The following RABGAP1L variants were observed in gnomAD, a reference collection of about 807,000 sequenced individuals.
RABGAP1L encodes RAB GTPase activating protein 1 like.
Under a neutral mutation model 137.7 loss-of-function variants are expected in RABGAP1L, and 63 were observed. The observed-to-expected ratio is 0.46, with a 90% CI of 0.37 to 0.56. The LOEUF (loss-of-function observed/expected upper bound fraction) is 0.56. RABGAP1L is among the 20% of genes least tolerant of loss of function. The pLI is 0.00. For synonymous variants in RABGAP1L, 431 were observed against 433.7 expected, an observed-to-expected ratio of 0.99 and a Z score of 0.08; for missense variants, 1,095 against 1,244.0, an observed-to-expected ratio of 0.88 and a Z score of 1.80.
At chr1:174,723,146 C>T (rs1208250209) in intron 17 of RABGAP1L, among the ~76,000 whole-genome samples, 1 of 152,120 alleles carries the variant, frequency 6.6e-6, no homozygotes, top group Non-Finnish European at 1.5e-5. Flanking sequence ...GCAATCTCAG[C>T]CCACTGCAAT....
chr1:174,725,250 C>A (rs1212798141), intron 17 of RABGAP1L, among the ~76,000 whole-genome samples: 1 of 152,156 alleles, frequency 6.6e-6, no homozygotes, highest in Non-Finnish European at 1.5e-5. Context: ...CAGCAATGAA[C>A]TTGCAATTGA....
chr1:174,737,477 T>C (rs1683052262), intron 17 of RABGAP1L, among the ~76,000 whole-genome samples: 1 of 152,200 alleles, frequency 6.6e-6, no homozygotes, highest in Non-Finnish European at 1.5e-5. Flanking sequence ...ATCAGCATTG[T>C]GGCCACAATC....
At chr1:174,654,429 A>G (rs1396101367) in intron 14 of RABGAP1L, among the ~76,000 whole-genome samples, 1 of 152,188 alleles carries the variant, frequency 6.6e-6, no homozygotes, top group East Asian at 1.9e-4. Flanking sequence ...TCTTCTGTGA[A>G]GTACTTTTAT....
In RABGAP1L at chr1:174,851,637, C is replaced by T. The variant is rs1170687229; in HGVS notation, c.2340+39677C>T. Among the ~76,000 whole-genome samples the T allele has an allele frequency of 2.6e-5, 4 of 151,946 alleles. No individual in the cohort carries two copies. In the East Asian group the frequency reaches 7.7e-4, roughly 29 times the overall value. Reference sequence around the variant, plus strand: ...CAAGCAATCTTCCCATCTCAGTCTCCTGAGTAGCTTGGCTACAGACACGCA... The same window carrying T: ...CAAGCAATCTTCCCATCTCAGTCTCTTGAGTAGCTTGGCTACAGACACGCA... On this transcript the variant is annotated intron_variant, in intron 19 of 25. Coordinates refer to ENST00000681986, the MANE Select transcript of RABGAP1L (RefSeq NM_001366446.1).
chr1:174,453,115 G>T (rs76278446), intron 13 of RABGAP1L, among the ~76,000 whole-genome samples: 1 of 152,178 alleles, frequency 6.6e-6, no homozygotes, highest in Non-Finnish European at 1.5e-5. Context: ...TCCAGCAAGC[G>T]GATGTTGTGA....
At chr1:174,176,385 T>C (rs1256718732) in intron 1 of RABGAP1L, among the ~76,000 whole-genome samples, 1 of 152,166 alleles carries the variant, frequency 6.6e-6, no homozygotes, top group Non-Finnish European at 1.5e-5. Context: ...TATGCAGATC[T>C]TTATAATATT....
At chr1:174,941,146 T>C (rs1431026289) in intron 19 of RABGAP1L, among the ~76,000 whole-genome samples, 1 of 152,208 alleles carries the variant, frequency 6.6e-6, no homozygotes, top group South Asian at 2.1e-4. Flanking sequence ...GTTCCTTCCA[T>C]CTGGAACTTC....
chr1:174,373,571 A>G (rs991941004), intron 12 of RABGAP1L, among the ~76,000 whole-genome samples: 1 of 152,190 alleles, frequency 6.6e-6, no homozygotes, highest in African/African-American at 2.4e-5. Flanking sequence ...AAGAACTGTC[A>G]GGGCAGGGGA....
intron 19 of RABGAP1L, chr1:174,898,054 T>C (rs1010005804): frequency 1.3e-5 from 2 of 151,372 alleles, no homozygotes; most frequent in African/African-American, 4.9e-5. Flanking sequence ...TGAGGAGATT[T>C]AGAATAGGAA....
chr1:174,596,130 G>A (rs935291944), intron 13 of RABGAP1L, among the ~76,000 whole-genome samples: 2 of 136,126 alleles, frequency 1.5e-5, no homozygotes, highest in South Asian at 2.4e-4. Context: ...AGGTGCGTCC[G>A]TCACCCCTTT....
intron 13 of RABGAP1L, among the ~76,000 whole-genome samples, chr1:174,440,616 C>T (rs1654018781): frequency 6.6e-6 from 1 of 152,070 alleles, no homozygotes; most frequent in Non-Finnish European, 1.5e-5. Flanking sequence ...CTCTGTTGCT[C>T]AGGCTGGAGT....
intron 13 of RABGAP1L, among the ~76,000 whole-genome samples, chr1:174,488,686 CTG>C (rs1249832000): frequency 6.6e-6 from 1 of 151,866 alleles, no homozygotes; most frequent in Non-Finnish European, 1.5e-5. Context: ...TGAGGCTACT[CTG>C]TAAATCTTCT....
At chr1:174,948,072 T>C (rs1029017488) in intron 19 of RABGAP1L, among the ~76,000 whole-genome samples, 1 of 152,040 alleles carries the variant, frequency 6.6e-6, no homozygotes, top group African/African-American at 2.4e-5. Context: ...GGTTTTCAGA[T>C]GGACAGTATA....
chr1:174,940,508 G>A (rs573761308), intron 19 of RABGAP1L, among the ~76,000 whole-genome samples: 1 of 152,034 alleles, frequency 6.6e-6, no homozygotes, highest in South Asian at 2.1e-4. Context: ...GAACTCTTGA[G>A]CTCAAGTGAT....
chr1:174,947,424 G>GT (rs995356451), intron 19 of RABGAP1L, among the ~76,000 whole-genome samples: 3 of 150,656 alleles, frequency 2.0e-5, no homozygotes, highest in Admixed American at 1.3e-4. Context: ...TCTTTCTTTC[G>GT]TTTTTTTGTT....
In RABGAP1L at chr1:174,482,687, G is replaced by A. The variant is rs529352288; in HGVS notation, c.1710+88542G>A. On this transcript the variant is annotated intron_variant, in intron 13 of 25. Coordinates refer to ENST00000681986, the MANE Select transcript of RABGAP1L (RefSeq NM_001366446.1). ...AGATGGGGTTTCATCATGTTGCCCA[G>A]GCCGGTCTCGAACTGCTGGGCTCAA... Among the ~76,000 whole-genome samples, 3 of 152,250 alleles carry A rather than the reference G, an allele frequency of 2.0e-5. 1 individual carries two copies. Among genetic ancestry groups the A allele is most frequent in the African/African-American group, 7.2e-5 (3 of 41,544 alleles).
intron 10 of RABGAP1L, among the ~76,000 whole-genome samples, chr1:174,297,401 C>T (rs537410655): frequency 2.0e-4 from 30 of 152,194 alleles, no homozygotes; most frequent in Middle Eastern, 6.8e-3. Flanking sequence ...GAGCGCCTCC[C>T]GCCGGCTCTT....
At chr1:174,620,222 C>G (rs1037022804) in intron 13 of RABGAP1L, among the ~76,000 whole-genome samples, 1 of 152,144 alleles carries the variant, frequency 6.6e-6, no homozygotes, top group African/African-American at 2.4e-5. Flanking sequence ...TTAGACAGAT[C>G]AATGAGACAG....
chr1:174,234,036 A>C (rs1458693821), intron 4 of RABGAP1L, among the ~76,000 whole-genome samples: 3 of 136,074 alleles, frequency 2.2e-5, no homozygotes, highest in Admixed American at 2.1e-4. Context: ...GCATTTTTTC[A>C]TGTGTTTTTT....
Sources: gnomAD v4.1 joint callset for allele counts (sites outside exome capture counted in the v4.1 genomes callset) on GRCh38, gnomAD v4.1.1 for gene constraint, MANE v1.5 for transcripts, NCBI Gene and HGNC (gene_info 2026-07-23, HGNC 2026-07-21) for gene names.